CASP1: variants seen among roughly 807,000 people sequenced by gnomAD.
The protein encoded by CASP1 is caspase 1.
Under a neutral mutation model 41.2 loss-of-function variants are expected in CASP1, and 31 were observed. That is an observed-to-expected ratio of 0.75 (90% CI 0.57 to 1.02). The LOEUF is 1.02. Ranked by LOEUF, CASP1 falls within the 50% of genes least tolerant of loss-of-function variation. The probability of loss-of-function intolerance (pLI) is 0.00; values close to 1 mark genes in which losing one functional copy is unlikely to be tolerated. For synonymous variants in CASP1, 163 were observed against 166.5 expected (o/e 0.98, Z 0.16); for missense variants, 490 against 495.7 (o/e 0.99, Z 0.11).
rs1319832713 is a variant in CASP1 at position 105,034,329 on chromosome 11, C to T, written c.153G>A (p.Met51Ile). ...EKVKRENATVMDKTRALIDSV... is the reference protein window; with the variant it reads ...EKVKRENATVIDKTRALIDSV... ...AGTCAATCAAAGCTCGGGTCTTATCCATAACTGTAGCATTTTCACGTTTTA... is the reference window on the plus strand; with the variant it reads ...AGTCAATCAAAGCTCGGGTCTTATCTATAACTGTAGCATTTTCACGTTTTA... The change falls in exon 2 of 9, where the codon ATG becomes ATA. Residue 51 changes from methionine (M) to isoleucine (I), a missense_variant. Physicochemically the swap from Met to Ile is conservative, Grantham distance 10. Coordinates refer to ENST00000533400, the MANE Select transcript of CASP1 (RefSeq NM_001257118.3). The T allele has an allele frequency of 1.2e-6, 2 of 1,614,138 alleles. No homozygotes were observed. The highest frequency in any genetic ancestry group is 1.7e-6 in the Non-Finnish European group (2 of 1,180,004).
chr11:105,034,608 T>C, intron 1 of CASP1, 134 bp from the exon 2 acceptor site: 1 of 1,402,594 alleles, frequency 7.1e-7, no homozygotes, highest in Non-Finnish European at 9.8e-7. Context: ...ATCCCTCTTC[T>C]TACTGTATTG....
chr11:105,027,448 A>G (rs1863383527), intron 7 of CASP1, among the ~76,000 whole-genome samples: 1 of 152,134 alleles, frequency 6.6e-6, no homozygotes. Flanking sequence ...GGAGGAGTAG[A>G]TAAGGAAATA....
intron 4 of CASP1, chr11:105,030,900 A>C (rs1816481096): frequency 5.1e-6 from 2 of 395,878 alleles, no homozygotes; most frequent in African/African-American, 4.1e-5. Context: ...TATCATGTGC[A>C]AAATGCTTAG....
intron 8 of CASP1, 33 bp downstream of exon 8, chr11:105,026,809 G>T: frequency 9.4e-7 from 1 of 1,065,444 alleles, no homozygotes; most frequent in Non-Finnish European, 1.5e-6. Flanking sequence ...ATTCAGGGAA[G>T]TAGAGTGAAA....
chr11:105,035,622 T>TTTTTTTTTTTC (rs1450093361), upstream of CASP1, among the ~76,000 whole-genome samples: 1 of 137,310 alleles, frequency 7.3e-6, no homozygotes, highest in East Asian at 2.1e-4. Context: ...CTTTCTGTTT[T>TTTTTTTTTTTC]TTTTTTTTTC....
At position 105,029,763 on chromosome 11, in the gene CASP1, A is replaced by G. The variant is rs972865406; in HGVS notation, c.764T>C (p.Ile255Thr). Residue 255 changes from isoleucine to threonine, a missense_variant, in exon 6 of 9, where the codon ATA becomes ACA. Physicochemically the swap from Ile to Thr is moderately conservative, Grantham distance 89. Coordinates refer to ENST00000533400, the MANE Select transcript of CASP1 (RefSeq NM_001257118.3). ...GKKHSEQVPD[I>T]LQLNAIFNML... ...GTTAAAGATTGCATTGAGTTGTAGT[A>G]TATCTGGGACTTGCTCAGAGTGTTT... 5.0e-6 allele frequency: 8 copies of G among 1,613,688 alleles called. No homozygotes were observed. The highest frequency in any genetic ancestry group is 1.1e-5 in the South Asian group (1 of 91,076).
At chr11:105,028,720 G>T (rs190771472) in intron 7 of CASP1, among the ~76,000 whole-genome samples, 1 of 152,010 alleles carries the variant, frequency 6.6e-6, no homozygotes, top group East Asian at 1.9e-4. Context: ...TTAATTTAGG[G>T]CCCCAAAGTG....
At chr11:105,033,221 A>G in intron 2 of CASP1, 95 bp from the exon 3 acceptor site, 2 of 677,892 alleles carry the variant, frequency 3.0e-6, no homozygotes, top group East Asian at 2.7e-5. Flanking sequence ...AATTTCTCCC[A>G]TAACACTGAC....
chr11:105,032,635 G>A (rs949309056), intron 3 of CASP1, among the ~76,000 whole-genome samples: 1 of 152,160 alleles, frequency 6.6e-6, no homozygotes, highest in African/African-American at 2.4e-5. Context: ...AGGTGCATGA[G>A]AAGGAAGGGT....
upstream of CASP1, among the ~76,000 whole-genome samples, chr11:105,036,302 C>T (rs967340939): frequency 5.3e-5 from 8 of 152,224 alleles, no homozygotes; most frequent in East Asian, 7.7e-4. Context: ...CAAACATATA[C>T]GGACGACATT....
rs1863213217 is a variant in CASP1 at position 105,025,560 on chromosome 11, A to AT, written c.*697_*698insA. On this transcript the variant is annotated 3_prime_UTR_variant, in exon 9 of 9. Transcript: ENST00000533400. ...TTCAAAAAAGTTTATTATTCAGCAG[A>AT]CATAATTCCAAAAACCTTTACAGAA... 2 of 428,212 alleles carry AT rather than the reference A, an allele frequency of 4.7e-6. No homozygotes were observed. The highest frequency in any genetic ancestry group is 9.1e-6 in the Non-Finnish European group (2 of 219,072). 26.5% of individuals were successfully genotyped at this position (428,212 alleles called of 1,614,324 possible). A position where few individuals can be genotyped will look rare whatever the true frequency, so the allele number is the denominator to read the frequency against.
Position 105,031,475 on chromosome 11 carries a change from A to G in CASP1, c.338-195T>C, listed in dbSNP as rs1863694802. 2.6e-5 allele frequency among the ~76,000 whole-genome samples: 4 copies of G among 152,202 alleles called. No homozygotes were observed. In the South Asian group the frequency reaches 8.3e-4, roughly 31 times the overall value. ...CATTTCAAGCAAGAGATTTCCAGGT[A>G]TGCATTACAAGTATCTTCTTTCATA... On this transcript the variant is annotated intron_variant, in intron 3 of 8. Coordinates refer to ENST00000533400, the MANE Select transcript of CASP1 (RefSeq NM_001257118.3).
At chr11:105,034,754 A>C (rs1267471597) in intron 1 of CASP1, 20 of 618,224 alleles carry the variant, frequency 3.2e-5, no homozygotes. Context: ...AACTCTGGTT[A>C]ATAAAGTAAT....
chr11:105,034,961 G>T, intron 1 of CASP1, 146 bp downstream of exon 1: 2 of 1,071,082 alleles, frequency 1.9e-6, no homozygotes, highest in Non-Finnish European at 1.4e-6. Context: ...GAATCTTCTA[G>T]TTCCTTCTCT....
chr11:105,032,231 GA>G (rs1313491402), intron 3 of CASP1, among the ~76,000 whole-genome samples: 1 of 152,074 alleles, frequency 6.6e-6, no homozygotes, highest in Non-Finnish European at 1.5e-5. Context: ...AGATATATTG[GA>G]AAAAATTATA....
At chr11:105,035,186 T>C, upstream of CASP1, 5 of 1,593,098 alleles carry the variant, frequency 3.1e-6, no homozygotes, top group South Asian at 5.5e-5. Context: ...GCAGGGCCTG[T>C]ACATGTATTG....
chr11:105,034,072 A>G, intron 2 of CASP1, 136 bp downstream of exon 2: 1 of 1,398,154 alleles, frequency 7.2e-7, no homozygotes, highest in South Asian at 1.2e-5. Flanking sequence ...TGCAATAGGG[A>G]CCCTGCTACA....
upstream of CASP1, chr11:105,035,332 G>C (rs1863959067): frequency 1.7e-6 from 1 of 592,352 alleles, no homozygotes; most frequent in East Asian, 2.8e-5. Flanking sequence ...GGGTAGGAGG[G>C]GAATGGGGCT....
Position 105,029,845 on chromosome 11 carries a change from C to G in CASP1, c.682G>C (p.Asp228His). 1 of 1,613,852 alleles carries G rather than the reference C, an allele frequency of 6.2e-7. No individual in the cohort carries two copies. Among genetic ancestry groups the G allele is most frequent in the Non-Finnish European group, 8.5e-7 (1 of 1,179,780 alleles). Residue 228 changes from aspartate (D) to histidine (H), a missense_variant, in exon 6 of 9, where the codon GAC (aspartate) becomes CAC (histidine). Physicochemically the swap from Asp to His is moderately conservative, Grantham distance 81. Transcript: ENST00000533400. ...GACATGAACACCAGGAACGTGCTGT[C>G]AGAGGTCTTGTGCTCTGGGCGGTGT... ...FAHRPEHKTSDSTFLVFMSHG... is the reference protein window; with the variant it reads ...FAHRPEHKTSHSTFLVFMSHG...
Sources: allele counts gnomAD v4.1 joint callset (sites outside exome capture counted in the v4.1 genomes callset), GRCh38; gene constraint gnomAD v4.1.1; transcripts MANE v1.5; gene names NCBI Gene and HGNC (gene_info 2026-07-23, HGNC 2026-07-21).